Variants in PDE4B observed in about 807,000 individuals in gnomAD.
The protein encoded by PDE4B is 3',5'-cyclic-AMP phosphodiesterase 4B.
In PDE4B, 20 loss-of-function variants were observed where a neutral mutation model predicts 82.2. That is an observed-to-expected ratio of 0.24 (90% CI 0.17 to 0.35). The LOEUF (loss-of-function observed/expected upper bound fraction) is 0.35. Among genes scored for constraint, PDE4B ranks in the 10% least tolerant of loss-of-function variants. The pLI is 1.00. For missense variants in PDE4B, 655 were observed against 907.2 expected (o/e 0.72, Z 3.57); for synonymous variants, 320 against 318.9 (o/e 1.00, Z -0.04).
chr1:65,996,552 T>G (rs1651553469), intron 3 of PDE4B, among the ~76,000 whole-genome samples: 2 of 152,158 alleles, frequency 1.3e-5, no homozygotes, highest in South Asian at 4.1e-4. Flanking sequence ...AGTTTTTTAC[T>G]AGAATGTCTG....
At chr1:66,012,030 A>G (rs966625293) in intron 3 of PDE4B, among the ~76,000 whole-genome samples, 4 of 152,092 alleles carry the variant, frequency 2.6e-5, no homozygotes, top group Admixed American at 2.0e-4. Flanking sequence ...TCCCTTTTGT[A>G]TTATAATAAT....
chr1:66,277,255 G>A (rs2749108), intron 7 of PDE4B, among the ~76,000 whole-genome samples: 10,095 of 152,152 alleles, frequency 0.066, 1,071 homozygotes, highest in African/African-American at 0.22. Flanking sequence ...GAGATGCCAG[G>A]TTAAGCAGAA....
intron 3 of PDE4B, among the ~76,000 whole-genome samples, chr1:66,037,108 A>G (rs1654107377): frequency 6.7e-6 from 1 of 148,334 alleles, no homozygotes; most frequent in African/African-American, 2.5e-5. Flanking sequence ...ACTGGGTGAC[A>G]GAGTGAGACT....
At chr1:66,288,252 T>G (rs1217605438) in intron 7 of PDE4B, among the ~76,000 whole-genome samples, 1 of 151,982 alleles carries the variant, frequency 6.6e-6, no homozygotes, top group Non-Finnish European at 1.5e-5. Flanking sequence ...AGCCAGATCT[T>G]ATGAGAAATC....
At chr1:65,992,613 G>A in intron 3 of PDE4B, 1 of 439,036 alleles carries the variant, frequency 2.3e-6, no homozygotes, top group Non-Finnish European at 3.4e-6. Context: ...TTCAGTGAGT[G>A]TCAGTGTGTA....
intron 1 of PDE4B, among the ~76,000 whole-genome samples, chr1:65,862,547 G>T (rs970451654): frequency 2.6e-5 from 4 of 152,130 alleles, no homozygotes; most frequent in African/African-American, 9.7e-5. Flanking sequence ...TTGTTATCAG[G>T]GTGATGCTGG....
chr1:66,303,781 G>A (rs1658075470), intron 7 of PDE4B, among the ~76,000 whole-genome samples: 1 of 152,096 alleles, frequency 6.6e-6, no homozygotes, highest in African/African-American at 2.4e-5. Context: ...GATATTTTTG[G>A]AGTTACTGGG....
chr1:66,371,090 C>CATT (rs2050747858), intron 16 of PDE4B, among the ~76,000 whole-genome samples: 1 of 71,614 alleles, frequency 1.4e-5, no homozygotes, highest in Admixed American at 1.9e-4. Flanking sequence ...ACACACACAT[C>CATT]ATACTATATA....
intron 3 of PDE4B, among the ~76,000 whole-genome samples, chr1:66,200,252 T>C (rs1194765949): frequency 2.0e-5 from 3 of 152,206 alleles, no homozygotes; most frequent in Non-Finnish European, 4.4e-5. Context: ...ACTGTAGCCT[T>C]ATAGTATAGT....
intron 1 of PDE4B, among the ~76,000 whole-genome samples, chr1:65,910,683 A>G (rs1359029999): frequency 1.3e-5 from 2 of 152,198 alleles, no homozygotes; most frequent in Non-Finnish European, 2.9e-5. Context: ...GGAGGCCTGC[A>G]GGATCTGTGA....
At position 65,819,435 on chromosome 1, in the gene PDE4B, T is replaced by A. The variant is rs2101233818; in HGVS notation, c.-71+26187T>A. Among the ~76,000 whole-genome samples the A allele has an allele frequency of 1.3e-5, 2 of 152,230 alleles. 1 individual carries two copies. The highest frequency in any genetic ancestry group is 6.8e-3 in the Middle Eastern group (2 of 294). ...AGACCAGTCTGAATGACTTTGCTAT[T>A]TATATAACTTGGTCTCAGATATTTA... On this transcript the variant is annotated intron_variant, in intron 1 of 16. Coordinates refer to ENST00000341517, the MANE Select transcript of PDE4B (RefSeq NM_002600.4).
chr1:65,830,367 C>T (rs1411786540), intron 1 of PDE4B, among the ~76,000 whole-genome samples: 2 of 152,106 alleles, frequency 1.3e-5, no homozygotes, highest in Non-Finnish European at 2.9e-5. Context: ...GTGGACTGTA[C>T]TTTGTGTCTT....
intron 3 of PDE4B, among the ~76,000 whole-genome samples, chr1:66,230,755 A>G (rs1001984610): frequency 6.6e-6 from 1 of 152,220 alleles, no homozygotes; most frequent in Admixed American, 6.5e-5. Flanking sequence ...CAATGTTAAA[A>G]TAGTTCCTGA....
At chr1:65,929,835 A>C (rs1303971268) in intron 3 of PDE4B, among the ~76,000 whole-genome samples, 2 of 152,214 alleles carry the variant, frequency 1.3e-5, no homozygotes, top group African/African-American at 4.8e-5. Context: ...GCCAAGGACT[A>C]TCAGTGTTCT....
At chr1:66,099,388 T>C (rs1435276566) in intron 3 of PDE4B, among the ~76,000 whole-genome samples, 2 of 152,166 alleles carry the variant, frequency 1.3e-5, no homozygotes, top group East Asian at 3.9e-4. Context: ...TTTGGGTTGA[T>C]TCCATGTATT....
At chr1:66,218,150 A>G (rs1052681852) in intron 3 of PDE4B, among the ~76,000 whole-genome samples, 4 of 152,108 alleles carry the variant, frequency 2.6e-5, no homozygotes, top group African/African-American at 9.7e-5. Context: ...TATCTAGTGC[A>G]TGGGAACTGC....
chr1:66,374,552 G>A lies in PDE4B; in HGVS notation c.*1874G>A, dbSNP rs1200860930. ...CATTCTAAAGAGACTTTTATATGAGGTGAATAAAGAAAAGCATGATTAGAT... is the reference window on the plus strand; with the variant it reads ...CATTCTAAAGAGACTTTTATATGAGATGAATAAAGAAAAGCATGATTAGAT... On this transcript the variant is annotated 3_prime_UTR_variant, in exon 17 of 17. Transcript: ENST00000341517. 2 of 152,520 alleles carry A rather than the reference G, an allele frequency of 1.3e-5. No homozygotes were observed. The highest frequency in any genetic ancestry group is 4.8e-5 in the African/African-American group (2 of 41,400). The allele number at this position is 152,520 out of a possible 1,614,324, so 9.4% of individuals were successfully genotyped here. A position where few individuals can be genotyped will look rare whatever the true frequency, so the allele number is the denominator to read the frequency against.
At chr1:65,867,807 C>T (rs2801579) in intron 1 of PDE4B, among the ~76,000 whole-genome samples, 149,302 of 152,284 alleles carry the variant, frequency 0.98, 73,270 homozygotes, top group East Asian at 1. Flanking sequence ...GAAGCAGATG[C>T]CAATCTGTCA....
intron 7 of PDE4B, among the ~76,000 whole-genome samples, chr1:66,294,695 A>T (rs956576000): frequency 5.9e-5 from 9 of 151,962 alleles, no homozygotes; most frequent in Admixed American, 2.0e-4. Flanking sequence ...TATTTTTTTT[A>T]TTAATTCAGT....
Sources: gnomAD v4.1 joint callset for allele counts (sites outside exome capture counted in the v4.1 genomes callset) on GRCh38, gnomAD v4.1.1 for gene constraint, MANE v1.5 for transcripts, NCBI Gene and HGNC (gene_info 2026-07-23, HGNC 2026-07-21) for gene names.